The following RGS7 variants were observed in gnomAD, a reference collection of about 807,000 sequenced individuals.
The protein encoded by RGS7 is regulator of G-protein signaling 7.
In RGS7, 27 loss-of-function variants were observed where a neutral mutation model predicts 81.1. That is an observed-to-expected ratio of 0.33 (90% CI 0.25 to 0.46). The LOEUF (loss-of-function observed/expected upper bound fraction) is 0.46. Among genes scored for constraint, RGS7 ranks in the 20% least tolerant of loss-of-function variants. The pLI, the probability that RGS7 is intolerant of heterozygous loss-of-function variation, is 1.00. For missense variants in RGS7, 396 were observed against 607.4 expected (o/e 0.65, Z 3.66); for synonymous variants, 208 against 207.7 (o/e 1.00, Z -0.01).
intron 15 of RGS7, 122 bp downstream of exon 15, chr1:240,806,018 T>C (rs1688778887): frequency 1.2e-6 from 1 of 862,332 alleles, no homozygotes; most frequent in Non-Finnish European, 1.9e-6. Context: ...AGAGTTATTT[T>C]ACAGTTATCT....
chr1:241,138,699 T>G (rs1475509916), intron 2 of RGS7, among the ~76,000 whole-genome samples: 1 of 152,238 alleles, frequency 6.6e-6, no homozygotes. Flanking sequence ...CTCGACCCTT[T>G]CCATTTATGA....
At chr1:240,891,036 A>G (rs1348697252) in intron 6 of RGS7, among the ~76,000 whole-genome samples, 1 of 152,214 alleles carries the variant, frequency 6.6e-6, no homozygotes, top group African/African-American at 2.4e-5. Context: ...ATGCAGAAAG[A>G]AAGGATTATA....
At chr1:241,190,979 G>A (rs548890312) in intron 2 of RGS7, among the ~76,000 whole-genome samples, 11 of 151,628 alleles carry the variant, frequency 7.3e-5, no homozygotes, top group Admixed American at 1.3e-4. Context: ...AAAATTCTCC[G>A]CTATTGCCAT....
At chr1:241,289,467 A>G (rs1043439459) in intron 2 of RGS7, among the ~76,000 whole-genome samples, 5 of 152,200 alleles carry the variant, frequency 3.3e-5, no homozygotes, top group African/African-American at 1.2e-4. Flanking sequence ...ACCACATTTT[A>G]TAGTAACAGC....
At chr1:240,976,251 G>A (rs919568433) in intron 4 of RGS7, among the ~76,000 whole-genome samples, 2 of 152,212 alleles carry the variant, frequency 1.3e-5, no homozygotes, top group Non-Finnish European at 2.9e-5. Flanking sequence ...CCCAGAGTGA[G>A]CCTGGCTAAA....
intron 3 of RGS7, among the ~76,000 whole-genome samples, chr1:241,022,111 A>G (rs2059567034): frequency 6.6e-6 from 1 of 152,216 alleles, no homozygotes; most frequent in African/African-American, 2.4e-5. Context: ...GGGGGTTACT[A>G]TTCAAAACCT....
chr1:241,109,775 T>C (rs2065384410), intron 2 of RGS7, among the ~76,000 whole-genome samples: 1 of 152,074 alleles, frequency 6.6e-6, no homozygotes, highest in Non-Finnish European at 1.5e-5. Flanking sequence ...CTGACGAACA[T>C]GGTGAAACCG....
intron 6 of RGS7, among the ~76,000 whole-genome samples, chr1:240,906,413 C>T (rs74891724): frequency 0.021 from 3,178 of 152,240 alleles, 45 homozygotes; most frequent in African/African-American, 0.035. Flanking sequence ...TGTTTCATCT[C>T]GTGGTATGAA....
At chr1:241,266,326 A>G (rs527696714) in intron 2 of RGS7, among the ~76,000 whole-genome samples, 8 of 152,358 alleles carry the variant, frequency 5.3e-5, no homozygotes, top group Admixed American at 3.3e-4. Context: ...TTCTATGTGT[A>G]GCTCTGGCAT....
chr1:240,972,708 A>C (rs1558542385), intron 4 of RGS7, among the ~76,000 whole-genome samples: 2 of 38,272 alleles, frequency 5.2e-5, no homozygotes, highest in Middle Eastern at 0.011. Flanking sequence ...AAAAAAAAAA[A>C]AACAAAAAAA....
At chr1:240,816,515 A>C in intron 10 of RGS7, 100 bp from the exon 11 acceptor site, 8 of 776,958 alleles carry the variant, frequency 1.0e-5, no homozygotes, top group Non-Finnish European at 1.6e-5. Context: ...AAGGTCTCTC[A>C]AAGCTTATTT....
At chr1:241,018,151 T>C (rs1419587739) in intron 3 of RGS7, among the ~76,000 whole-genome samples, 1 of 148,158 alleles carries the variant, frequency 6.7e-6, no homozygotes, top group Non-Finnish European at 1.5e-5. Flanking sequence ...TTTTTTTTTT[T>C]TTTTTGTATT....
chr1:240,941,340 A>G (rs1677545555), intron 4 of RGS7, among the ~76,000 whole-genome samples: 1 of 152,194 alleles, frequency 6.6e-6, no homozygotes, highest in Admixed American at 6.5e-5. Context: ...TGTTCATTAC[A>G]GGATCTCCAG....
At chr1:240,969,672 C>T (rs570876926) in intron 4 of RGS7, among the ~76,000 whole-genome samples, 4 of 152,316 alleles carry the variant, frequency 2.6e-5, no homozygotes, top group Admixed American at 6.5e-5. Context: ...CTGGGACTGG[C>T]ATTTATAGAT....
chr1:241,016,289 G>T (rs896122221), intron 3 of RGS7, among the ~76,000 whole-genome samples: 1 of 152,122 alleles, frequency 6.6e-6, no homozygotes, highest in African/African-American at 2.4e-5. Flanking sequence ...GGAGGCCAAG[G>T]TGGTCTGATT....
chr1:240,937,572 TC>T (rs1179565527), intron 4 of RGS7, among the ~76,000 whole-genome samples: 12 of 152,230 alleles, frequency 7.9e-5, no homozygotes, highest in Non-Finnish European at 1.6e-4. Flanking sequence ...GTAGAGTATG[TC>T]TCCCTCATTT....
At chr1:240,832,328 T>C (rs1693991516) in intron 9 of RGS7, among the ~76,000 whole-genome samples, 1 of 152,230 alleles carries the variant, frequency 6.6e-6, no homozygotes, top group Non-Finnish European at 1.5e-5. Context: ...AAGAGAATTG[T>C]GTTATTTCTA....
chr1:241,056,432 G>A (rs1572477470), intron 3 of RGS7, among the ~76,000 whole-genome samples: 1 of 151,910 alleles, frequency 6.6e-6, no homozygotes, highest in Non-Finnish European at 1.5e-5. Context: ...TATTTTCTAC[G>A]TATTTCTCTT....
intron 2 of RGS7, among the ~76,000 whole-genome samples, chr1:241,100,493 C>T (rs1216207798): frequency 6.6e-6 from 1 of 151,072 alleles, no homozygotes; most frequent in Non-Finnish European, 1.5e-5. Flanking sequence ...ACACTATGAA[C>T]AGATGTATTA....
Sources: gnomAD v4.1 joint callset for allele counts (sites outside exome capture counted in the v4.1 genomes callset) on GRCh38, gnomAD v4.1.1 for gene constraint, MANE v1.5 for transcripts, NCBI Gene and HGNC (gene_info 2026-07-23, HGNC 2026-07-21) for gene names.